Variants in KPNB1 observed in about 807,000 individuals in gnomAD.
The protein encoded by KPNB1 is karyopherin subunit beta 1.
Under a neutral mutation model 113.0 loss-of-function variants are expected in KPNB1, and 7 were observed. That is an observed-to-expected ratio of 0.06 (90% CI 0.04 to 0.12). KPNB1 has a LOEUF of 0.12. KPNB1 is among the 10% of genes least tolerant of loss of function. The pLI is 1.00. For missense variants in KPNB1, 400 were observed against 1,054.8 expected, an observed-to-expected ratio of 0.38 and a Z score of 8.60; for synonymous variants, 363 against 378.6, an observed-to-expected ratio of 0.96 and a Z score of 0.48.
intron 5 of KPNB1, among the ~76,000 whole-genome samples, chr17:47,659,911 T>C (rs562831478): frequency 6.6e-6 from 1 of 151,168 alleles, no homozygotes; most frequent in East Asian, 1.9e-4. Flanking sequence ...AAAAAAAAAA[T>C]ATATATATAT....
intron 8 of KPNB1, among the ~76,000 whole-genome samples, 167 bp from the exon 9 acceptor site, chr17:47,664,890 C>A (rs1486193107): frequency 6.6e-6 from 1 of 152,156 alleles, no homozygotes; most frequent in African/African-American, 2.4e-5. Flanking sequence ...AAGATTCTCA[C>A]TGAAGTAGAC....
At chr17:47,670,289 G>A in intron 11 of KPNB1, 2 of 214,926 alleles carry the variant, frequency 9.3e-6, no homozygotes, top group Non-Finnish European at 1.9e-5. Flanking sequence ...GTTCAAATAA[G>A]GAAGGAATGG....
chr17:47,681,256 T>TTTC (rs1318777216), intron 21 of KPNB1, among the ~76,000 whole-genome samples: 6 of 150,734 alleles, frequency 4.0e-5, no homozygotes, highest in South Asian at 2.1e-4. Flanking sequence ...TTTCTTTTCT[T>TTTC]TTCTTCTTCT....
chr17:47,668,709 G>A (rs796264735), intron 10 of KPNB1, among the ~76,000 whole-genome samples: 1 of 152,112 alleles, frequency 6.6e-6, no homozygotes, highest in East Asian at 1.9e-4. Flanking sequence ...GCATGTGTGT[G>A]CAACAGGCTC....
At chr17:47,669,640 T>A (rs2030392554) in intron 10 of KPNB1, 38 bp from the exon 11 acceptor site, 1 of 1,456,698 alleles carries the variant, frequency 6.9e-7, no homozygotes, top group South Asian at 1.2e-5. Context: ...TGAATTTTAA[T>A]CTTTGTTTTG....
At chr17:47,677,214 C>T (rs1329931598) in intron 17 of KPNB1, 87 bp downstream of exon 17, 4 of 1,067,902 alleles carry the variant, frequency 3.7e-6, no homozygotes, top group Middle Eastern at 2.1e-4. Flanking sequence ...CCAGGCTGGG[C>T]GCAGTGGCCT....
Position 47,668,188 on chromosome 17 carries a change from C to T in KPNB1, c.1002C>T (p.Asp334=), listed in dbSNP as rs1380915173. 7.4e-6 allele frequency: 12 copies of T among 1,612,890 alleles called. No individual in the cohort carries two copies. The highest frequency in any genetic ancestry group is 3.3e-5 in the South Asian group (3 of 91,052). The change falls in exon 10 of 22, where the codon GAC becomes GAT. Residue 334 remains aspartate (D), a splice_region_variant and synonymous_variant. Coordinates refer to ENST00000290158, the MANE Select transcript of KPNB1 (RefSeq NM_002265.6). The part of the protein sequence containing the change: ...PILTQTLTKQ[D]ENDDDDDWNP... ...CTAGTGCCATATTCTTTCACCAGGA[C>T]GAAAATGATGATGACGATGACTGGA...
chr17:47,660,080 A>G (rs1234871754), intron 5 of KPNB1, among the ~76,000 whole-genome samples: 1 of 152,220 alleles, frequency 6.6e-6, no homozygotes, highest in African/African-American at 2.4e-5. Flanking sequence ...TCATCTTGCA[A>G]AACTGAAACT....
intron 2 of KPNB1, 137 bp downstream of exon 2, chr17:47,650,581 C>T (rs1239137791): frequency 6.7e-6 from 5 of 743,610 alleles, no homozygotes; most frequent in Admixed American, 4.8e-5. Flanking sequence ...CCCTCCCCCC[C>T]CAACCCGGTC....
At chr17:47,650,858 C>T (rs1444539171) in intron 2 of KPNB1, among the ~76,000 whole-genome samples, 26 of 151,956 alleles carry the variant, frequency 1.7e-4, no homozygotes, top group South Asian at 8.3e-4. Context: ...CCCCGGCCGG[C>T]TTCTCCTTCC....
intron 6 of KPNB1, among the ~76,000 whole-genome samples, chr17:47,661,417 T>C (rs1477393200): frequency 1.3e-5 from 2 of 151,788 alleles, no homozygotes; most frequent in Non-Finnish European, 2.9e-5. Context: ...CTGGCCAACA[T>C]GGTGAAACCC....
In KPNB1 at chr17:47,677,679, T is replaced by A. The variant is rs534896535; in HGVS notation, c.2104-367T>A. 3.3e-5 allele frequency among the ~76,000 whole-genome samples: 5 copies of A among 152,346 alleles called. No homozygotes were observed. The South Asian group carries it at 8.3e-4, about 25-fold the overall frequency. On this transcript the variant is annotated intron_variant, in intron 17 of 21. Transcript: ENST00000290158. ...AAAGTAAATACAGTTGTTCCTTGAC[T>A]TATGATGGAGTTAGGTCCCAATAAA...
Position 47,678,823 on chromosome 17 carries a change from G to T in KPNB1, c.2353+410G>T, listed in dbSNP as rs545840427. Among the ~76,000 whole-genome samples the T allele has an allele frequency of 1.3e-3, 192 of 152,306 alleles. 1 individual carries two copies. Among genetic ancestry groups the T allele is most frequent in the African/African-American group, 4.1e-3 (172 of 41,568 alleles). On this transcript the variant is annotated intron_variant, in intron 19 of 21. Coordinates refer to ENST00000290158, the MANE Select transcript of KPNB1 (RefSeq NM_002265.6). Reference sequence around the variant, plus strand: ...AGCTTTCACCTTGTTGGTCAGGCTGGTCTTGAACTCCTGATCTCAATTGAT... The same window carrying T: ...AGCTTTCACCTTGTTGGTCAGGCTGTTCTTGAACTCCTGATCTCAATTGAT...
At chr17:47,658,384 A>G (rs1389136908) in intron 4 of KPNB1, 124 bp from the exon 5 acceptor site, 12 of 1,019,264 alleles carry the variant, frequency 1.2e-5, no homozygotes, top group Admixed American at 2.7e-5. Context: ...TGCAGTACAG[A>G]TGCAACCATC....
At chr17:47,658,411 A>T in intron 4 of KPNB1, 97 bp from the exon 5 acceptor site, 1 of 1,360,294 alleles carries the variant, frequency 7.4e-7, no homozygotes, top group South Asian at 1.4e-5. Flanking sequence ...TTTTCCTCTA[A>T]ATATTTTCAA....
intron 3 of KPNB1, among the ~76,000 whole-genome samples, chr17:47,656,545 T>TC (rs1273868338): frequency 1.3e-5 from 2 of 149,292 alleles, no homozygotes; most frequent in Admixed American, 1.3e-4. Context: ...GTATTTTCCT[T>TC]TTTTTTTTTT....
chr17:47,681,244 T>C (rs1567896408), intron 21 of KPNB1, among the ~76,000 whole-genome samples: 1 of 151,486 alleles, frequency 6.6e-6, no homozygotes, highest in African/African-American at 2.4e-5. Context: ...TAATTTTCTT[T>C]TTTTCTTTTC....
intron 5 of KPNB1, 85 bp from the exon 6 acceptor site, chr17:47,661,034 G>A (rs2030077183): frequency 9.4e-7 from 1 of 1,063,538 alleles, no homozygotes; most frequent in African/African-American, 1.6e-5. Context: ...GGGAGTGAGA[G>A]GTTTTCCTTG....
chr17:47,679,717 G>C (rs2030714951), intron 19 of KPNB1, among the ~76,000 whole-genome samples: 1 of 150,014 alleles, frequency 6.7e-6, no homozygotes, highest in Non-Finnish European at 1.5e-5. Context: ...TTTTTTTTGA[G>C]ATGGAATCTT....
Sources: allele counts gnomAD v4.1 joint callset (sites outside exome capture counted in the v4.1 genomes callset), GRCh38; gene constraint gnomAD v4.1.1; transcripts MANE v1.5; gene names NCBI Gene and HGNC (gene_info 2026-07-23, HGNC 2026-07-21).